NXPH1: variants seen among roughly 807,000 people sequenced by gnomAD.
The protein encoded by NXPH1 is neurexophilin 1.
In NXPH1, 5 loss-of-function variants were observed where a neutral mutation model predicts 23.7. That is an observed-to-expected ratio of 0.21 (90% CI 0.11 to 0.44). The LOEUF is 0.44. Ranked by LOEUF, NXPH1 falls within the 20% of genes least tolerant of loss-of-function variation. The probability of loss-of-function intolerance (pLI) is 0.99; values close to 1 mark genes in which losing one functional copy is unlikely to be tolerated. For synonymous variants in NXPH1, 144 were observed against 122.2 expected, an observed-to-expected ratio of 1.18 and a Z score of -1.18; for missense variants, 324 against 321.6, an observed-to-expected ratio of 1.01 and a Z score of -0.06.
At chr7:8,469,654 C>CAGGG (rs1412247963) in intron 2 of NXPH1, among the ~76,000 whole-genome samples, 3 of 152,018 alleles carry the variant, frequency 2.0e-5, no homozygotes, top group Admixed American at 2.0e-4. Flanking sequence ...TGAAGGTTAC[C>CAGGG]AGGGATCTTT....
In NXPH1 at chr7:8,498,722, C is replaced by T. The variant is rs143219145; in HGVS notation, c.54+62955C>T. ...AGCATGCTAGCAGTCAATGAACACT[C>T]TATTTTCAGGACCTATTATGAGCAA... On this transcript the variant is annotated intron_variant, in intron 2 of 2. Coordinates refer to ENST00000405863, the MANE Select transcript of NXPH1 (RefSeq NM_152745.3). Among the ~76,000 whole-genome samples the T allele has an allele frequency of 5.7e-3, 862 of 152,150 alleles. 3 individuals are homozygous for T. Among genetic ancestry groups the T allele is most frequent in the Non-Finnish European group, 9.2e-3 (624 of 67,970 alleles).
chr7:8,736,897 T>G (rs1373952322), intron 2 of NXPH1, among the ~76,000 whole-genome samples: 1 of 152,182 alleles, frequency 6.6e-6, no homozygotes, highest in Non-Finnish European at 1.5e-5. Flanking sequence ...TCTTTGTCTT[T>G]TTTGGTCTTT....
chr7:8,674,095 T>C (rs1278054664), intron 2 of NXPH1, among the ~76,000 whole-genome samples: 4 of 151,996 alleles, frequency 2.6e-5, no homozygotes, highest in African/African-American at 9.7e-5. Flanking sequence ...TGTGAAAATA[T>C]CAATTACACA....
chr7:8,601,164 C>T (rs113264476), intron 2 of NXPH1, among the ~76,000 whole-genome samples: 1,892 of 152,178 alleles, frequency 0.012, 38 homozygotes, highest in African/African-American at 0.043. Flanking sequence ...AGTTTATATA[C>T]TTTTCCACAT....
chr7:8,470,843 G>C (rs1816861608), intron 2 of NXPH1, among the ~76,000 whole-genome samples: 1 of 152,096 alleles, frequency 6.6e-6, no homozygotes, highest in Non-Finnish European at 1.5e-5. Context: ...GTCTTCACCA[G>C]CTATGGCTCT....
At chr7:8,668,904 G>A (rs907942639) in intron 2 of NXPH1, among the ~76,000 whole-genome samples, 1 of 151,932 alleles carries the variant, frequency 6.6e-6, no homozygotes, top group African/African-American at 2.4e-5. Flanking sequence ...TGGGTATGCT[G>A]AAGCCAGATT....
chr7:8,463,000 T>G (rs1478002737), intron 2 of NXPH1, among the ~76,000 whole-genome samples: 2 of 152,174 alleles, frequency 1.3e-5, no homozygotes, highest in Non-Finnish European at 2.9e-5. Context: ...TTGAGGTAGG[T>G]GTTACATAGA....
intron 2 of NXPH1, among the ~76,000 whole-genome samples, chr7:8,713,169 C>T (rs1313191138): frequency 1.3e-5 from 2 of 151,934 alleles, no homozygotes; most frequent in Non-Finnish European, 2.9e-5. Context: ...TGTATATTTT[C>T]AAATAGCCTA....
intron 2 of NXPH1, among the ~76,000 whole-genome samples, chr7:8,454,407 G>A (rs1816556327): frequency 6.6e-6 from 1 of 152,064 alleles, no homozygotes; most frequent in Non-Finnish European, 1.5e-5. Context: ...ACCACTACAA[G>A]GTCTGAGACA....
intron 2 of NXPH1, among the ~76,000 whole-genome samples, chr7:8,584,800 T>G (rs1482032510): frequency 6.6e-6 from 1 of 152,206 alleles, no homozygotes; most frequent in Non-Finnish European, 1.5e-5. Flanking sequence ...GTCCAAGGTA[T>G]CCCATTTCAA....
intron 2 of NXPH1, among the ~76,000 whole-genome samples, chr7:8,746,896 G>A (rs1292294877): frequency 6.7e-6 from 1 of 149,898 alleles, no homozygotes; most frequent in Non-Finnish European, 1.5e-5. Context: ...TTATGTTTGT[G>A]GTTATATTGA....
At chr7:8,594,095 G>A (rs1432645357) in intron 2 of NXPH1, among the ~76,000 whole-genome samples, 2 of 151,950 alleles carry the variant, frequency 1.3e-5, no homozygotes. Flanking sequence ...AATTCTTCAA[G>A]ATCCCTAATG....
At chr7:8,641,058 A>G (rs913153527) in intron 2 of NXPH1, among the ~76,000 whole-genome samples, 2 of 152,214 alleles carry the variant, frequency 1.3e-5, no homozygotes, top group African/African-American at 4.8e-5. Flanking sequence ...TTAATTGCAC[A>G]GACTTCCATG....
chr7:8,684,504 T>A (rs963535437), intron 2 of NXPH1, among the ~76,000 whole-genome samples: 3 of 152,184 alleles, frequency 2.0e-5, no homozygotes, highest in African/African-American at 7.2e-5. Flanking sequence ...AAACTGATGC[T>A]TGAAATAAAA....
chr7:8,475,491 A>G (rs74429159), intron 2 of NXPH1, among the ~76,000 whole-genome samples: 11,409 of 152,134 alleles, frequency 0.075, 954 homozygotes, highest in African/African-American at 0.21. Flanking sequence ...TTCTAAATAA[A>G]AAACAACAAT....
chr7:8,480,301 A>G (rs1383304990), intron 2 of NXPH1, among the ~76,000 whole-genome samples: 2 of 152,060 alleles, frequency 1.3e-5, no homozygotes, highest in Non-Finnish European at 2.9e-5. Flanking sequence ...TGGAATTTTT[A>G]TTTTCTCTCC....
chr7:8,517,789 C>T (rs1817709698), intron 2 of NXPH1, among the ~76,000 whole-genome samples: 1 of 152,088 alleles, frequency 6.6e-6, no homozygotes, highest in Non-Finnish European at 1.5e-5. Flanking sequence ...CAGTTCCTGG[C>T]AATTCTTTGA....
chr7:8,595,956 A>C (rs7779077), intron 2 of NXPH1, among the ~76,000 whole-genome samples: 15,511 of 152,030 alleles, frequency 0.1, 1,719 homozygotes, highest in African/African-American at 0.26. Flanking sequence ...TACTCAGATG[A>C]ATTAATTTGT....
intron 2 of NXPH1, among the ~76,000 whole-genome samples, chr7:8,485,287 TTGTGAGCCCTCCCCAGACATGTGG>T (rs777298938): frequency 2.3e-4 from 35 of 152,162 alleles, no homozygotes; most frequent in Non-Finnish European, 4.0e-4. Context: ...TCTGCCATGA[TTGTGAGCCCTCCCCAGACATGTGG>T]AACTGTGAGT....
Sources: gnomAD v4.1 joint callset for allele counts (sites outside exome capture counted in the v4.1 genomes callset) on GRCh38, gnomAD v4.1.1 for gene constraint, MANE v1.5 for transcripts, NCBI Gene and HGNC (gene_info 2026-07-23, HGNC 2026-07-21) for gene names.